ALKBH3: variants seen among roughly 807,000 people sequenced by gnomAD.
The protein encoded by ALKBH3 is alpha-ketoglutarate-dependent dioxygenase alkB homolog 3.
ALKBH3 carries 51 observed loss-of-function variants against 43.9 expected under a neutral mutation model. The observed-to-expected ratio is 1.16, with a 90% CI of 0.93 to 1.47. The LOEUF is 1.47. Ranked by LOEUF, ALKBH3 falls within the 40% of genes most tolerant of loss-of-function variation. The pLI, the probability that ALKBH3 is intolerant of heterozygous loss-of-function variation, is 0.00. For synonymous variants in ALKBH3, 102 were observed against 115.2 expected (o/e 0.89, Z 0.73); for missense variants, 361 against 351.9 (o/e 1.03, Z -0.21).
rs1951788012 is a variant in ALKBH3 at position 43,892,093 on chromosome 11, C to A, written c.423C>A (p.Tyr141Ter). The A allele has an allele frequency of 2.5e-6, 4 of 1,613,534 alleles. No homozygotes were observed. The Admixed American group carries it at 5.0e-5, about 20-fold the overall frequency. Residue 141 changes from tyrosine to a stop codon, truncating the protein, a stop_gained, in exon 7 of 10, where the codon TAC (tyrosine) becomes TAA (stop). Coordinates refer to ENST00000302708, the MANE Select transcript of ALKBH3 (RefSeq NM_139178.4). LOFTEE classifies it high-confidence loss of function. ...CAGCATGGTATGGAGAACTTCCTTACACTTATTCAAGAATCACTATGGAAC... is the reference window on the plus strand; with the variant it reads ...CAGCATGGTATGGAGAACTTCCTTAAACTTATTCAAGAATCACTATGGAAC... ...RLTAWYGELP[Y>*]TYSRITMEPN... is the part of the protein sequence containing the mutation.
chr11:43,903,556 C>G (rs1951877035), intron 8 of ALKBH3, among the ~76,000 whole-genome samples: 2 of 152,170 alleles, frequency 1.3e-5, no homozygotes, highest in African/African-American at 4.8e-5. Flanking sequence ...GCTCATCTAG[C>G]ATATGCTAGC....
chr11:43,901,825 A>G, intron 8 of ALKBH3, 100 bp downstream of exon 8: 1 of 1,368,484 alleles, frequency 7.3e-7, no homozygotes, highest in Non-Finnish European at 1.0e-6. Flanking sequence ...GAGCATGGGA[A>G]TACACATTTT....
chr11:43,892,092 A>C lies in ALKBH3; in HGVS notation c.422A>C (p.Tyr141Ser). The C allele has an allele frequency of 1.9e-6, 3 of 1,613,706 alleles. No homozygotes were observed. The highest frequency in any genetic ancestry group is 1.1e-5 in the South Asian group (1 of 91,062). ...RLTAWYGELP[Y>S]TYSRITMEPN... ...ACAGCATGGTATGGAGAACTTCCTT[A>C]CACTTATTCAAGAATCACTATGGAA... Residue 141 changes from tyrosine to serine, a missense_variant, in exon 7 of 10, where the codon TAC becomes TCC. Transcript: ENST00000302708.
At position 43,919,976 on chromosome 11, in the gene ALKBH3, CA is replaced by C. The variant is rs763080933; in HGVS notation, c.828del (p.Val277SerfsTer21). 1 of 1,614,030 alleles carries C rather than the reference CA, an allele frequency of 6.2e-7. No individual in the cohort carries two copies. Among genetic ancestry groups the C allele is most frequent in the Admixed American group, 1.7e-5 (1 of 60,008 alleles). The stretch of plus-strand genomic sequence containing the variant: ...CCGAGAGTGAACCTGACCTTTCGGA[CA>C]GTCTATCCAGACCCTCGAGGGGCAC... ...REPRVNLTFR[T>X]VYPDPRGAPW On this transcript the variant is annotated frameshift_variant, in exon 10 of 10. Coordinates refer to ENST00000302708, the MANE Select transcript of ALKBH3 (RefSeq NM_139178.4). LOFTEE classifies it high-confidence loss of function.
intron 7 of ALKBH3, chr11:43,898,736 G>T (rs570437465): frequency 7.0e-6 from 5 of 719,286 alleles, no homozygotes; most frequent in Non-Finnish European, 1.3e-5. Flanking sequence ...CTCATCCTGC[G>T]GTCACCCAGG....
chr11:43,884,374 T>C (rs968144476), intron 4 of ALKBH3, among the ~76,000 whole-genome samples: 33 of 92,754 alleles, frequency 3.6e-4, no homozygotes, highest in African/African-American at 1.0e-3. Flanking sequence ...ATTAATTGCC[T>C]CTTTTTTTTT....
Position 43,901,688 on chromosome 11 carries a change from C to T in ALKBH3, c.632C>T (p.Ala211Val), listed in dbSNP as rs759461489. 3.7e-6 allele frequency: 6 copies of T among 1,614,256 alleles called. No homozygotes were observed. The South Asian group carries it at 6.6e-5, about 18-fold the overall frequency. The change falls in exon 8 of 10, where the codon GCC becomes GTC. Residue 211 changes from alanine (A) to valine (V), a missense_variant. Physicochemically the swap from Ala to Val is moderately conservative, Grantham distance 64. Coordinates refer to ENST00000302708, the MANE Select transcript of ALKBH3 (RefSeq NM_139178.4). ...CPIIASLSFG[A>V]TRTFEMRKKP... The stretch of plus-strand genomic sequence containing the variant: ...ATTATTGCTTCACTAAGTTTTGGTG[C>T]CACACGCACATTTGAGATGAGAAAG...
At chr11:43,915,215 G>GAAAAAAA (rs978733020) in intron 8 of ALKBH3, among the ~76,000 whole-genome samples, 3 of 78,308 alleles carry the variant, frequency 3.8e-5, no homozygotes, top group Non-Finnish European at 8.5e-5. Flanking sequence ...CTCAAAAAAA[G>GAAAAAAA]AAAAAAAAAA....
At position 43,892,132 on chromosome 11, in the gene ALKBH3, A is replaced by G. The variant is rs765921341; in HGVS notation, c.459+3A>G. The G allele has an allele frequency of 2.5e-6, 4 of 1,595,278 alleles. No homozygotes were observed. In the South Asian group the frequency reaches 4.4e-5, roughly 18 times the overall value. ...TCACTATGGAACCAAATCCTCACGT[A>G]TGTCAACATATTGTCATTGGTATGG... On this transcript the variant is annotated splice_donor_region_variant and intron_variant, in intron 7 of 9. Transcript: ENST00000302708.
At chr11:43,882,768 T>C (rs561117909) in intron 2 of ALKBH3, 37 bp downstream of exon 2, 3 of 1,563,414 alleles carry the variant, frequency 1.9e-6, no homozygotes, top group Admixed American at 2.0e-5. Flanking sequence ...TGTGTGGATA[T>C]GGACAACTCT....
chr11:43,905,808 G>A (rs1420536300), intron 8 of ALKBH3, among the ~76,000 whole-genome samples: 1 of 152,200 alleles, frequency 6.6e-6, no homozygotes, highest in African/African-American at 2.4e-5. Flanking sequence ...TTGTGTTCCT[G>A]TTTGCAAAGA....
chr11:43,913,611 A>G (rs915697970), intron 8 of ALKBH3, among the ~76,000 whole-genome samples: 5 of 152,246 alleles, frequency 3.3e-5, no homozygotes, highest in African/African-American at 1.2e-4. Flanking sequence ...TCAGTAAAGG[A>G]AGATGATATT....
At chr11:43,898,744 A>G in intron 7 of ALKBH3, 1 of 726,306 alleles carries the variant, frequency 1.4e-6, no homozygotes, top group Non-Finnish European at 2.6e-6. Context: ...GCGGTCACCC[A>G]GGGTATTTCC....
chr11:43,910,187 G>A (rs1045203685), intron 8 of ALKBH3: 1 of 152,076 alleles, frequency 6.6e-6, no homozygotes, highest in African/African-American at 2.4e-5. Flanking sequence ...AAATATAGAC[G>A]TTCAAGATTT....
chr11:43,914,267 A>G (rs955789977), intron 8 of ALKBH3, among the ~76,000 whole-genome samples: 2 of 152,212 alleles, frequency 1.3e-5, no homozygotes, highest in Admixed American at 6.5e-5. Flanking sequence ...CTTTTGCCTT[A>G]GAGAAATATT....
At chr11:43,911,263 C>G (rs1951936699) in intron 8 of ALKBH3, among the ~76,000 whole-genome samples, 1 of 152,126 alleles carries the variant, frequency 6.6e-6, no homozygotes, top group Non-Finnish European at 1.5e-5. Context: ...AGGTATATTT[C>G]TGAGGATGAA....
intron 8 of ALKBH3, among the ~76,000 whole-genome samples, chr11:43,914,155 A>G (rs971114506): frequency 6.6e-6 from 1 of 152,246 alleles, no homozygotes; most frequent in Non-Finnish European, 1.5e-5. Flanking sequence ...TTAGGATTTC[A>G]GAAGGAATAG....
At chr11:43,897,386 C>G (rs1430771805) in intron 7 of ALKBH3, 1 of 720,474 alleles carries the variant, frequency 1.4e-6, no homozygotes, top group East Asian at 2.6e-5. Context: ...CCATATTCAG[C>G]TTAAAATACC....
intron 8 of ALKBH3, 98 bp downstream of exon 8, chr11:43,901,823 G>C: frequency 1.5e-6 from 2 of 1,376,076 alleles, no homozygotes; most frequent in Non-Finnish European, 2.0e-6. Flanking sequence ...TCGAGCATGG[G>C]AATACACATT....
Sources: allele counts gnomAD v4.1 joint callset (sites outside exome capture counted in the v4.1 genomes callset), GRCh38; gene constraint gnomAD v4.1.1; transcripts MANE v1.5; gene names NCBI Gene and HGNC (gene_info 2026-07-23, HGNC 2026-07-21).